SAE1: variants seen among roughly 807,000 people sequenced by gnomAD.
SAE1 encodes the protein SUMO-activating enzyme subunit 1.
A neutral mutation model predicts 40.6 loss-of-function variants in SAE1; 11 were observed. That is an observed-to-expected ratio of 0.27 (90% CI 0.17 to 0.45). The LOEUF (loss-of-function observed/expected upper bound fraction) is 0.45, where lower values mean the gene tolerates loss of function less well. SAE1 is among the 20% of genes least tolerant of loss of function. The probability of loss-of-function intolerance (pLI) is 1.00; values close to 1 mark genes in which losing one functional copy is unlikely to be tolerated. For missense variants in SAE1, 373 were observed against 427.3 expected (o/e 0.87, Z 1.12); for synonymous variants, 155 against 154.3 (o/e 1.00, Z -0.03).
intron 6 of SAE1, among the ~76,000 whole-genome samples, chr19:47,190,414 T>TG (rs1216049664): frequency 6.6e-6 from 1 of 152,196 alleles, no homozygotes; most frequent in Non-Finnish European, 1.5e-5. Flanking sequence ...AGCGAGAACT[T>TG]GTCAGGGGCT....
intron 6 of SAE1, among the ~76,000 whole-genome samples, chr19:47,178,327 A>T (rs879287666): frequency 6.6e-6 from 1 of 152,102 alleles, no homozygotes; most frequent in African/African-American, 2.4e-5. Flanking sequence ...CTTGTAGCTC[A>T]CATTACTGAA....
At chr19:47,152,451 GA>G (rs1389048535) in intron 3 of SAE1, among the ~76,000 whole-genome samples, 1 of 152,226 alleles carries the variant, frequency 6.6e-6, no homozygotes, top group African/African-American at 2.4e-5. Context: ...CAATCAAAAG[GA>G]GGGGGGTAAA....
At position 47,209,502 on chromosome 19, in the gene SAE1, G is replaced by T; in HGVS notation, c.*251G>T. 3 of 596,822 alleles carry T rather than the reference G, an allele frequency of 5.0e-6. No homozygotes were observed. In the South Asian group the frequency reaches 6.4e-5, roughly 13 times the overall value. 37.0% of individuals were successfully genotyped at this position (596,822 alleles called of 1,614,324 possible). ...GCTGCCTGTCATCCCGGGCCTGCCA[G>T]CTCCCCTGAGTGATGAGCACTTCCA... On this transcript the variant is annotated 3_prime_UTR_variant, in exon 9 of 9. Transcript: ENST00000270225.
chr19:47,176,618 C>A (rs2058470240), intron 6 of SAE1, among the ~76,000 whole-genome samples: 2 of 152,182 alleles, frequency 1.3e-5, no homozygotes, highest in South Asian at 4.1e-4. Context: ...GCTTTTGATT[C>A]CAATGTTGCC....
intron 8 of SAE1, among the ~76,000 whole-genome samples, chr19:47,204,509 C>CA: frequency 8.8e-6 from 1 of 112,998 alleles, no homozygotes; most frequent in Admixed American, 9.0e-5. Context: ...CACCCCCCCC[C>CA]TTTTTTTTTT....
chr19:47,158,656 A>G (rs191843031), intron 5 of SAE1, among the ~76,000 whole-genome samples: 1 of 152,192 alleles, frequency 6.6e-6, no homozygotes, highest in Admixed American at 6.5e-5. Context: ...GGCTGCCCTC[A>G]CTGCCGCAGC....
chr19:47,198,304 G>C (rs561710171), intron 7 of SAE1, among the ~76,000 whole-genome samples: 7 of 151,922 alleles, frequency 4.6e-5, no homozygotes, highest in Admixed American at 2.0e-4. Flanking sequence ...GTAGAGATGG[G>C]GTTTTCCATG....
At chr19:47,143,358 GC>G in intron 1 of SAE1, 135 bp from the exon 2 acceptor site, 1 of 637,228 alleles carries the variant, frequency 1.6e-6, no homozygotes, top group South Asian at 1.8e-5. Context: ...GCCTATCTCA[GC>G]CTCCTAAAGT....
Position 47,142,203 on chromosome 19 carries a change from G to A in SAE1, c.99-1291G>A, listed in dbSNP as rs747844227. ...GTTCGAGACCAGCCTGAACAACATG[G>A]TGAAACTCCGTCTGTACCAAAAATA... On this transcript the variant is annotated intron_variant, in intron 1 of 8. Coordinates refer to ENST00000270225, the MANE Select transcript of SAE1 (RefSeq NM_005500.3). 3.3e-5 allele frequency among the ~76,000 whole-genome samples: 5 copies of A among 152,024 alleles called. No homozygotes were observed. The South Asian group carries it at 8.3e-4, about 25-fold the overall frequency.
intron 8 of SAE1, 62 bp downstream of exon 8, chr19:47,203,802 A>T: frequency 7.0e-7 from 1 of 1,420,028 alleles, no homozygotes; most frequent in South Asian, 1.1e-5. Flanking sequence ...GCTGACAGAG[A>T]GAATGGAAAC....
intron 7 of SAE1, among the ~76,000 whole-genome samples, chr19:47,199,671 T>A (rs1455338561): frequency 6.6e-6 from 1 of 152,160 alleles, no homozygotes; most frequent in Non-Finnish European, 1.5e-5. Context: ...GCCCCAGGTA[T>A]GCTCAGTGGC....
chr19:47,137,680 C>T (rs924117886), intron 1 of SAE1, among the ~76,000 whole-genome samples: 11 of 146,398 alleles, frequency 7.5e-5, no homozygotes, highest in South Asian at 4.3e-4. Flanking sequence ...GTGTGCATGG[C>T]GTATGCCGTA....
Position 47,150,250 on chromosome 19 carries a change from G to A in SAE1, c.259G>A (p.Val87Ile), listed in dbSNP as rs1600159268. 1 of 1,613,212 alleles carries A rather than the reference G, an allele frequency of 6.2e-7. No homozygotes were observed. The highest frequency in any genetic ancestry group is 1.3e-5 in the African/African-American group (1 of 74,872). The change falls in exon 3 of 9, where the codon GTT becomes ATT. Residue 87 changes from valine to isoleucine, a missense_variant. Transcript: ENST00000270225. ...GAQFLIRTGS[V>I]GRNRAEASLE... is the part of the protein sequence containing the mutation. ...TCAGTTCTTGATTCGTACTGGGTCT[G>A]TTGGCCGAAATAGGGCTGAAGCCTC...
intron 8 of SAE1, among the ~76,000 whole-genome samples, chr19:47,206,458 A>G (rs2058687238): frequency 6.6e-6 from 1 of 152,162 alleles, no homozygotes; most frequent in Non-Finnish European, 1.5e-5. Context: ...GGTCAAGCGC[A>G]AGTCTGCTCC....
chr19:47,185,320 A>C (rs973281175), intron 6 of SAE1, among the ~76,000 whole-genome samples: 17 of 151,222 alleles, frequency 1.1e-4, no homozygotes, highest in Admixed American at 5.3e-4. Flanking sequence ...TTGTTTACTT[A>C]TTTTTGAGAC....
intron 2 of SAE1, among the ~76,000 whole-genome samples, chr19:47,144,725 AAAAC>A (rs1232341111): frequency 3.9e-5 from 6 of 152,150 alleles, no homozygotes; most frequent in Non-Finnish European, 7.3e-5. Context: ...AAAACAAACA[AAAAC>A]AAACAACACT....
In SAE1 at chr19:47,189,296, G is replaced by A. The variant is rs1462089446; in HGVS notation, c.734-7937G>A. On this transcript the variant is annotated intron_variant, in intron 6 of 8. Transcript: ENST00000270225. ...CTGGGGGCTGGGCGCAGTGGCTCACGCCTGTAACCCCAGCGCTTTGGGAGG... is the reference window on the plus strand; with the variant it reads ...CTGGGGGCTGGGCGCAGTGGCTCACACCTGTAACCCCAGCGCTTTGGGAGG... Among the ~76,000 whole-genome samples, 5 of 151,966 alleles carry A rather than the reference G, an allele frequency of 3.3e-5. No homozygotes were observed. The South Asian group carries it at 6.2e-4, about 19-fold the overall frequency.
In SAE1 at chr19:47,197,300, G is replaced by A. The variant is rs1384213036; in HGVS notation, c.801G>A (p.Glu267=). ...CTGATACATATGAGGAAGATTCTGA[G>A]TTGTTGCTCCAGATACGAAATGATG... is the stretch of plus-strand genomic sequence containing the variant. The part of the protein sequence containing the change: ...PSSDTYEEDS[E]LLLQIRNDVL... Residue 267 remains glutamate (E), a synonymous_variant, in exon 7 of 9, where the codon GAG becomes GAA. Coordinates refer to ENST00000270225, the MANE Select transcript of SAE1 (RefSeq NM_005500.3). 2 of 1,614,072 alleles carry A rather than the reference G, an allele frequency of 1.2e-6. No individual in the cohort carries two copies. The highest frequency in any genetic ancestry group is 1.1e-5 in the South Asian group (1 of 91,084).
intron 8 of SAE1, among the ~76,000 whole-genome samples, chr19:47,207,071 C>T (rs1218595475): frequency 6.6e-6 from 1 of 152,042 alleles, no homozygotes; most frequent in African/African-American, 2.4e-5. Context: ...TTGCTTGAAC[C>T]TAGAAGTTCA....
Sources: allele counts gnomAD v4.1 joint callset (sites outside exome capture counted in the v4.1 genomes callset), GRCh38; gene constraint gnomAD v4.1.1; transcripts MANE v1.5; gene names NCBI Gene and HGNC (gene_info 2026-07-23, HGNC 2026-07-21).